The following PCNX3 variants were observed in gnomAD, a reference collection of about 807,000 sequenced individuals.
PCNX3 encodes pecanex 3.
A neutral mutation model predicts 207.2 loss-of-function variants in PCNX3; 58 were observed. That is an observed-to-expected ratio of 0.28 (90% confidence interval 0.23 to 0.35). The LOEUF (loss-of-function observed/expected upper bound fraction) is 0.35, where lower values mean the gene tolerates loss of function less well. Among genes scored for constraint, PCNX3 ranks in the 10% least tolerant of loss-of-function variants. The probability of loss-of-function intolerance (pLI) is 1.00; values close to 1 mark genes in which losing one functional copy is unlikely to be tolerated. For missense variants in PCNX3, 2,410 were observed against 2,774.4 expected, an observed-to-expected ratio of 0.87 and a Z score of 2.95; for synonymous variants, 1,337 against 1,183.5, an observed-to-expected ratio of 1.13 and a Z score of -2.66.
rs1335577794 is a variant in PCNX3, at chr11:65,634,530, T to C, written c.4702-8T>C. 15 of 1,582,630 alleles carry C rather than the reference T, an allele frequency of 9.5e-6. No individual in the cohort carries two copies. The highest frequency in any genetic ancestry group is 2.3e-5 in the South Asian group (2 of 86,900). On this transcript the variant is annotated splice_region_variant and splice_polypyrimidine_tract_variant and intron_variant, in intron 28 of 34. Coordinates refer to ENST00000355703, the MANE Select transcript of PCNX3 (RefSeq NM_032223.4). The stretch of plus-strand genomic sequence containing the variant: ...CTGGGCTCTGGGATGGGGGTCCTTA[T>C]GCCACAGCCCGTGGACCAGGATTGG...
chr11:65,626,220 C>T (rs773945047), intron 20 of PCNX3, 166 bp downstream of exon 20: 15 of 978,096 alleles, frequency 1.5e-5, no homozygotes, highest in Non-Finnish European at 2.0e-5. Flanking sequence ...TGCCCGGCTG[C>T]GCTCTCCACC....
rs1383808022 is a variant in PCNX3, at chr11:65,636,258, C to T, written c.5544C>T (p.Ser1848=). The T allele has an allele frequency of 6.3e-7, 1 of 1,594,260 alleles. No individual in the cohort carries two copies. The highest frequency in any genetic ancestry group is 8.5e-7 in the Non-Finnish European group (1 of 1,170,266). The change falls in exon 33 of 35, where the codon TCC becomes TCT. Residue 1848 remains serine (S), a synonymous_variant. Coordinates refer to ENST00000355703, the MANE Select transcript of PCNX3 (RefSeq NM_032223.4). ...SDCSGGGGLT[S]LSNNPPVAHP... The stretch of plus-strand genomic sequence containing the variant: ...GTAGTGGGGGCGGTGGCCTGACCTC[C>T]CTCAGCAATAACCCCCCCGTGGCAC...
In PCNX3 at chr11:65,618,997, G is replaced by A. The variant is rs752989379; in HGVS notation, c.1635G>A (p.Ala545=). 9.4e-6 allele frequency: 15 copies of A among 1,598,496 alleles called. No homozygotes were observed. Among genetic ancestry groups the A allele is most frequent in the African/African-American group, 1.3e-5 (1 of 74,866 alleles). The change falls in exon 6 of 35, where the codon GCG becomes GCA. Residue 545 remains alanine (A), a synonymous_variant. Transcript: ENST00000355703. ...AGCCTGTTGTGCTGCCTGCTGAGGC[G>A]CGAAGGGGACCCGCTGCCAACCAGC... ...ASEPVVLPAE[A]RRGPAANQPG...
chr11:65,616,769 C>G, intron 1 of PCNX3, 55 bp from the exon 2 acceptor site: 1 of 1,556,604 alleles, frequency 6.4e-7, no homozygotes, highest in Non-Finnish European at 8.8e-7. Flanking sequence ...ATGGCAGGTA[C>G]ATCCTGTGGG....
In PCNX3 at chr11:65,619,623, C is replaced by G. The variant is rs1185480783; in HGVS notation, c.1792C>G (p.Pro598Ala). ...IRRRHNAGSN[P>A]TPPASVMGSP... ...GAGACGCCACAATGCAGGCAGCAAC[C>G]CCACCCCTCCAGCCTCTGTCATGGG... Residue 598 changes from proline to alanine, a missense_variant, in exon 7 of 35, where the codon CCC becomes GCC. Around this residue, in one of 8 missense-constraint regions of PCNX3, gnomAD observed 1,104 missense variants for 970.3 expected, o/e 1.14. Coordinates refer to ENST00000355703, the MANE Select transcript of PCNX3 (RefSeq NM_032223.4). The G allele has an allele frequency of 1.2e-6, 2 of 1,603,324 alleles. No homozygotes were observed. The highest frequency in any genetic ancestry group is 2.7e-5 in the African/African-American group (2 of 74,868).
At position 65,616,289 on chromosome 11, in the gene PCNX3, G is replaced by A. The variant is rs767843052; in HGVS notation, c.-23G>A. 4.5e-6 allele frequency: 7 copies of A among 1,545,916 alleles called. No individual in the cohort carries two copies. In the South Asian group the frequency reaches 6.0e-5, roughly 13 times the overall value. ...CCCCATGAGGGTCCCGGGAGGGGGG[G>A]CGCGGGCAGCAGCGGCGGGGCCATG... On this transcript the variant is annotated 5_prime_UTR_variant, in exon 1 of 35. Transcript: ENST00000355703.
At chr11:65,623,680 G>A (rs369690528) in intron 12 of PCNX3, 36 bp downstream of exon 12, 98 of 1,599,178 alleles carry the variant, frequency 6.1e-5, no homozygotes, top group Non-Finnish European at 7.8e-5. Context: ...TTCCCCACCC[G>A]ACTTTTCCCA....
At position 65,625,044 on chromosome 11, in the gene PCNX3, T is replaced by C; in HGVS notation, c.2919+28T>C. On this transcript the variant is annotated intron_variant, in intron 16 of 34. Coordinates refer to ENST00000355703, the MANE Select transcript of PCNX3 (RefSeq NM_032223.4). The surrounding 1 kb of genome is among the most constrained non-coding windows in gnomAD (Gnocchi z 5.6). ...AGGGGTGGCTTGCGAGGTGGGGGCA[T>C]GCTGCAGTGCGTAAGGGTGGTTGGG... 1.3e-6 allele frequency: 2 copies of C among 1,599,762 alleles called. No individual in the cohort carries two copies. Among genetic ancestry groups the C allele is most frequent in the South Asian group, 1.1e-5 (1 of 90,164 alleles).
At chr11:65,628,451 C>T in intron 22 of PCNX3, 144 bp from the exon 23 acceptor site, 1 of 734,644 alleles carries the variant, frequency 1.4e-6, no homozygotes. Flanking sequence ...ATGTCCAGAG[C>T]ACAAGGGCTG....
intron 26 of PCNX3, 128 bp from the exon 27 acceptor site, chr11:65,630,222 AG>A: frequency 4.5e-6 from 6 of 1,333,580 alleles, no homozygotes; most frequent in Non-Finnish European, 6.0e-6. Context: ...GCATCCAATA[AG>A]GTTGACTCCC....
rs970329248 is a variant in PCNX3 at position 65,627,016 on chromosome 11, A to G, written c.3492A>G (p.Thr1164=). 1.3e-6 allele frequency: 2 copies of G among 1,535,930 alleles called. No homozygotes were observed. Among genetic ancestry groups the G allele is most frequent in the Non-Finnish European group, 1.8e-6 (2 of 1,139,378 alleles). The part of the protein sequence containing the change: ...VLNALTVDAH[T]VVSHPDKYCF... ...ACGCCCTCACGGTGGACGCCCACAC[A>G]GTCGTCAGCCACCCGGACAAGTACT... The change falls in exon 21 of 35, where the codon ACA becomes ACG. Residue 1164 remains threonine (T), a synonymous_variant. Coordinates refer to ENST00000355703, the MANE Select transcript of PCNX3 (RefSeq NM_032223.4).
intron 6 of PCNX3, 163 bp from the exon 7 acceptor site, chr11:65,619,374 G>A (rs921505202): frequency 2.2e-6 from 2 of 924,546 alleles, no homozygotes; most frequent in South Asian, 1.0e-4. Flanking sequence ...TTGTTTGCAA[G>A]TAAGGAAACT....
rs747513187 is a variant in PCNX3 at position 65,630,303 on chromosome 11, G to C, written c.4217-48G>C. Reference sequence around the variant, plus strand: ...TTGGTCACTCTCCCAGGACAGGGCAGGTAGGGATTGTTCTAGCAGCCCCTG... The same window carrying C: ...TTGGTCACTCTCCCAGGACAGGGCACGTAGGGATTGTTCTAGCAGCCCCTG... On this transcript the variant is annotated intron_variant, in intron 26 of 34. Coordinates refer to ENST00000355703, the MANE Select transcript of PCNX3 (RefSeq NM_032223.4). The C allele has an allele frequency of 3.1e-6, 5 of 1,591,978 alleles. No individual in the cohort carries two copies. In the East Asian group the frequency reaches 9.0e-5, roughly 29 times the overall value.
intron 11 of PCNX3, 146 bp from the exon 12 acceptor site, chr11:65,623,345 G>A (rs922093895): frequency 1.9e-6 from 2 of 1,074,034 alleles, no homozygotes; most frequent in Non-Finnish European, 2.6e-6. Flanking sequence ...TCGTCGCAAA[G>A]TTATAGGTGT....
At chr11:65,634,509 G>A in intron 28 of PCNX3, 29 bp from the exon 29 acceptor site, 1 of 1,561,612 alleles carries the variant, frequency 6.4e-7, no homozygotes. Context: ...TCTGAGCTGG[G>A]CTCTGGGATG....
At position 65,615,813 on chromosome 11, in the gene PCNX3, C is replaced by T. The variant is rs1854697031; in HGVS notation, c.-499C>T. 1 of 151,952 alleles carries T rather than the reference C, an allele frequency of 6.6e-6. No homozygotes were observed. Among genetic ancestry groups the T allele is most frequent in the Admixed American group, 6.6e-5 (1 of 15,122 alleles). The allele number at this position is 151,952 out of a possible 1,614,324, so 9.4% of individuals were successfully genotyped here. ...GCAGGCTGGCGGTTCGCGGCTCCTT[C>T]TTCCGGCCTCCTCCTTAGGCCGGCA... On this transcript the variant is annotated 5_prime_UTR_variant, in exon 1 of 35. Coordinates refer to ENST00000355703, the MANE Select transcript of PCNX3 (RefSeq NM_032223.4).
chr11:65,635,546 G>A lies in PCNX3; in HGVS notation c.5202G>A (p.Val1734=). The A allele has an allele frequency of 6.2e-7, 1 of 1,611,272 alleles. No homozygotes were observed. Among genetic ancestry groups the A allele is most frequent in the Non-Finnish European group, 8.5e-7 (1 of 1,179,620 alleles). The change falls in exon 32 of 35, where the codon GTG becomes GTA. Residue 1734 remains valine, a synonymous_variant. Coordinates refer to ENST00000355703, the MANE Select transcript of PCNX3 (RefSeq NM_032223.4). This position sits in a 1 kb window ranked among gnomAD's most constrained non-coding sequence, Gnocchi z 9.9. ...GCTCTCAGGTGAACCGGGAGTGCGT[G>A]CGCGGCCTGTGGGCCGGGCAGCAGC... ...FRVIKVNREC[V]RGLWAGQQQE... is the part of the protein sequence containing the mutation.
chr11:65,636,522 T>C lies in PCNX3; in HGVS notation c.5725T>C (p.Ser1909Pro), dbSNP rs1855849229. The change falls in exon 34 of 35, where the codon TCG (serine) becomes CCG (proline). Residue 1909 changes from serine to proline, a missense_variant. This residue lies in a region of PCNX3 where 278 missense variants were observed against 245.1 expected (regional missense o/e 1.13). Coordinates refer to ENST00000355703, the MANE Select transcript of PCNX3 (RefSeq NM_032223.4). Reference sequence around the variant, plus strand: ...TCGGCTCCCTGGACCACCCCCTGCATCGCCTATCCCCACAGAGGGTCCCCG... The same window carrying C: ...TCGGCTCCCTGGACCACCCCCTGCACCGCCTATCCCCACAGAGGGTCCCCG... ...PPRLPGPPPASPIPTEGPRTS... is the reference protein window; with the variant it reads ...PPRLPGPPPAPPIPTEGPRTS... The C allele has an allele frequency of 6.3e-7, 1 of 1,585,096 alleles. No homozygotes were observed. The highest frequency in any genetic ancestry group is 2.2e-5 in the East Asian group (1 of 44,540).
chr11:65,624,160 G>T, intron 13 of PCNX3, 35 bp from the exon 14 acceptor site: 1 of 1,585,256 alleles, frequency 6.3e-7, no homozygotes, highest in East Asian at 2.3e-5. Context: ...GTGGCCAGTC[G>T]GGGAGACCCA....
Sources: allele counts gnomAD v4.1 joint callset, GRCh38; gene constraint gnomAD v4.1.1; regional missense constraint gnomAD v4.1.1; non-coding constraint Gnocchi (gnomAD v3.1); transcripts MANE v1.5; gene names NCBI Gene and HGNC (gene_info 2026-07-23, HGNC 2026-07-21).